Variants in DYNC1I1 observed in about 807,000 individuals in gnomAD.
DYNC1I1 encodes dynein cytoplasmic 1 intermediate chain 1, also known as cytoplasmic dynein 1 intermediate chain 1.
A neutral mutation model predicts 86.6 loss-of-function variants in DYNC1I1; 43 were observed. The ratio of observed to expected loss-of-function variants is 0.50; its 90% confidence interval spans 0.39 to 0.64. DYNC1I1 has a LOEUF of 0.64. Ranked by LOEUF, DYNC1I1 falls within the 30% of genes least tolerant of loss-of-function variation. DYNC1I1 has a pLI of 0.00. For missense variants in DYNC1I1, 604 were observed against 788.8 expected (o/e 0.77, Z 2.81); for synonymous variants, 262 against 283.7 (o/e 0.92, Z 0.77).
chr7:96,027,620 T>G (rs573661396), intron 10 of DYNC1I1, among the ~76,000 whole-genome samples: 1 of 152,302 alleles, frequency 6.6e-6, no homozygotes, highest in South Asian at 2.1e-4. Context: ...GAGGGAATTT[T>G]AGGAGGAGCC....
intron 6 of DYNC1I1, among the ~76,000 whole-genome samples, chr7:95,889,498 G>C (rs1433267914): frequency 2.4e-4 from 37 of 152,050 alleles, no homozygotes; most frequent in Admixed American, 2.4e-3. Context: ...TAAAAGCCCT[G>C]AAAGTTAACC....
At chr7:95,886,158 G>A (rs764024790) in intron 6 of DYNC1I1, among the ~76,000 whole-genome samples, 4 of 152,088 alleles carry the variant, frequency 2.6e-5, no homozygotes, top group Non-Finnish European at 4.4e-5. Context: ...GACTCAGGCC[G>A]GACGCAGTGG....
At chr7:96,043,248 G>A (rs1270347160) in intron 14 of DYNC1I1, among the ~76,000 whole-genome samples, 2 of 151,290 alleles carry the variant, frequency 1.3e-5, no homozygotes, top group African/African-American at 4.9e-5. Flanking sequence ...CATAATCTAG[G>A]CAATGATTAT....
rs551883752 is a variant in DYNC1I1, at chr7:95,943,703, C to A, written c.491-33809C>A. 2.2e-4 allele frequency among the ~76,000 whole-genome samples: 33 copies of A among 151,004 alleles called. 1 individual carries two copies. The South Asian group carries it at 6.2e-3, about 28-fold the overall frequency. ...ATAGATCAATGGAACAGAACGGAGC[C>A]CTCAGAAATAACGCCGCATATCTAC... On this transcript the variant is annotated intron_variant, in intron 6 of 16. Transcript: ENST00000447467.
chr7:96,053,739 T>C (rs1394366381), intron 14 of DYNC1I1, among the ~76,000 whole-genome samples: 1 of 143,270 alleles, frequency 7.0e-6, no homozygotes, highest in Non-Finnish European at 1.5e-5. Flanking sequence ...TAGTGCATAC[T>C]TACACTTTTT....
At chr7:96,076,027 C>A in intron 14 of DYNC1I1, 30 bp from the exon 15 acceptor site, 4 of 1,603,124 alleles carry the variant, frequency 2.5e-6, no homozygotes, top group Non-Finnish European at 3.4e-6. Flanking sequence ...AGCAGCGCCA[C>A]AAAGTCTTCA....
intron 5 of DYNC1I1, among the ~76,000 whole-genome samples, chr7:95,833,879 A>G (rs1216697097): frequency 6.0e-5 from 9 of 149,912 alleles, no homozygotes; most frequent in East Asian, 5.9e-4. Context: ...GGCTGAGACA[A>G]TGGGGTTTTC....
rs12667757 is a variant in DYNC1I1, at chr7:95,782,796, T to C, written c.-10+10023T>C. 2.8e-4 allele frequency among the ~76,000 whole-genome samples: 42 copies of C among 152,140 alleles called. No homozygotes were observed. In the East Asian group the frequency reaches 7.0e-3, roughly 25 times the overall value. Reference sequence around the variant, plus strand: ...GTGGTGGAGGTTGCTCTCAGTGGGATGAATGGGGAGCTGGAAAGGGGATGG... The same window carrying C: ...GTGGTGGAGGTTGCTCTCAGTGGGACGAATGGGGAGCTGGAAAGGGGATGG... On this transcript the variant is annotated intron_variant, in intron 1 of 16. Transcript: ENST00000447467.
intron 10 of DYNC1I1, among the ~76,000 whole-genome samples, chr7:96,025,681 T>TGAAGAATGAACAAATTAATGAATGAAC (rs1794661135): frequency 1.3e-5 from 2 of 152,160 alleles, no homozygotes; most frequent in Admixed American, 1.3e-4. Flanking sequence ...AATGAATGAA[T>TGAAGAATGAACAAATTAATGAATGAAC]GAAGAATGAA....
At chr7:96,081,282 A>G (rs1279949957) in intron 16 of DYNC1I1, among the ~76,000 whole-genome samples, 3 of 151,724 alleles carry the variant, frequency 2.0e-5, no homozygotes, top group African/African-American at 4.8e-5. Context: ...AGTATGTCTT[A>G]TTACATGATA....
chr7:96,076,697 C>G (rs558949819), intron 15 of DYNC1I1, among the ~76,000 whole-genome samples: 38 of 152,176 alleles, frequency 2.5e-4, no homozygotes, highest in African/African-American at 8.9e-4. Context: ...TGATTTGTAC[C>G]AAGGTAAATA....
chr7:95,881,379 A>G (rs1206210873), intron 6 of DYNC1I1, among the ~76,000 whole-genome samples: 4 of 152,238 alleles, frequency 2.6e-5, no homozygotes, highest in Admixed American at 6.5e-5. Context: ...AAAAGAAAAA[A>G]AAAAGTAAAA....
At chr7:95,986,352 C>T (rs977515025) in intron 8 of DYNC1I1, among the ~76,000 whole-genome samples, 1 of 152,184 alleles carries the variant, frequency 6.6e-6, no homozygotes. Flanking sequence ...GATGTAAATA[C>T]TCAGCTTGTG....
intron 8 of DYNC1I1, 55 bp downstream of exon 8, chr7:95,985,032 A>G: frequency 6.3e-7 from 1 of 1,584,792 alleles, no homozygotes. Flanking sequence ...TGTTAATTCT[A>G]ATTTATTTAT....
chr7:96,056,684 C>A (rs549861886), intron 14 of DYNC1I1, among the ~76,000 whole-genome samples: 112 of 152,096 alleles, frequency 7.4e-4, no homozygotes, highest in African/African-American at 2.5e-3. Flanking sequence ...TTTACTCTCT[C>A]TATATATATC....
At chr7:95,780,434 ATT>A (rs34375387) in intron 1 of DYNC1I1, among the ~76,000 whole-genome samples, 3,091 of 129,738 alleles carry the variant, frequency 0.024, 103 homozygotes, top group African/African-American at 0.079. Context: ...CACCCGGCTA[ATT>A]TTTTTTTTTT....
intron 6 of DYNC1I1, among the ~76,000 whole-genome samples, chr7:95,880,283 C>T (rs1389055862): frequency 1.3e-5 from 2 of 152,066 alleles, no homozygotes; most frequent in African/African-American, 2.4e-5. Flanking sequence ...ATGTTTCTTC[C>T]AATGTGAAGT....
chr7:95,866,623 G>C (rs935310362), intron 5 of DYNC1I1, among the ~76,000 whole-genome samples: 1 of 152,168 alleles, frequency 6.6e-6, no homozygotes, highest in African/African-American at 2.4e-5. Flanking sequence ...CTGGCATATT[G>C]TAAGTCCCTG....
intron 4 of DYNC1I1, among the ~76,000 whole-genome samples, chr7:95,820,894 A>G (rs1452158870): frequency 6.6e-6 from 1 of 152,200 alleles, no homozygotes; most frequent in Non-Finnish European, 1.5e-5. Flanking sequence ...CAGCATTTTT[A>G]TTAGATAAGA....
Sources: allele counts gnomAD v4.1 joint callset (sites outside exome capture counted in the v4.1 genomes callset), GRCh38; gene constraint gnomAD v4.1.1; transcripts MANE v1.5; gene names NCBI Gene and HGNC (gene_info 2026-07-23, HGNC 2026-07-21).